The following RASSF5 variants were observed in gnomAD, a reference collection of about 807,000 sequenced individuals.
RASSF5 encodes the protein ras association domain-containing protein 5.
RASSF5 carries 25 observed loss-of-function variants against 40.5 expected under a neutral mutation model. The observed-to-expected ratio is 0.62, with a 90% CI of 0.45 to 0.86. RASSF5 has a LOEUF of 0.86. Among genes scored for constraint, RASSF5 ranks in the 40% least tolerant of loss-of-function variants. RASSF5 has a pLI of 0.00. For missense variants in RASSF5, 521 were observed against 572.8 expected (o/e 0.91, Z 0.92); for synonymous variants, 246 against 252.4 (o/e 0.97, Z 0.24).
chr1:206,565,454 G>T (rs1337579392), intron 2 of RASSF5, among the ~76,000 whole-genome samples: 1 of 152,218 alleles, frequency 6.6e-6, no homozygotes, highest in Non-Finnish European at 1.5e-5. Context: ...AAACTCTGCA[G>T]CACCTGGCCT....
intron 1 of RASSF5, among the ~76,000 whole-genome samples, chr1:206,516,165 T>C (rs2103503013): frequency 6.6e-6 from 1 of 152,318 alleles, no homozygotes; most frequent in South Asian, 2.1e-4. Flanking sequence ...GAGTCATTGC[T>C]TAGATGTCAG....
intron 1 of RASSF5, among the ~76,000 whole-genome samples, chr1:206,519,162 T>A (rs1338440131): frequency 6.6e-6 from 1 of 152,166 alleles, no homozygotes; most frequent in Non-Finnish European, 1.5e-5. Context: ...CTGGACGGCA[T>A]AGCGGTGAGT....
intron 1 of RASSF5, among the ~76,000 whole-genome samples, chr1:206,509,647 C>T (rs1284548087): frequency 1.3e-5 from 2 of 151,998 alleles, no homozygotes; most frequent in Non-Finnish European, 2.9e-5. Flanking sequence ...AAATCTGCTT[C>T]GTTGGCATTC....
rs140340273 is a variant in RASSF5 at position 206,524,964 on chromosome 1, A to T, written c.458-13208A>T. ...AAAGTTGTGGAAACAGGCCATGTGG[A>T]GAAGGTGCCAGGGGTCAGGCCTGTC... On this transcript the variant is annotated intron_variant, in intron 1 of 5. Coordinates refer to ENST00000579436, the MANE Select transcript of RASSF5 (RefSeq NM_182663.4). Among the ~76,000 whole-genome samples, 1,361 of 151,940 alleles carry T rather than the reference A, an allele frequency of 9.0e-3. 9 individuals carry two copies. Among genetic ancestry groups the T allele is most frequent in the Non-Finnish European group, 0.013 (904 of 67,966 alleles).
chr1:206,576,026 C>T (rs1553405135), intron 2 of RASSF5, among the ~76,000 whole-genome samples: 1 of 152,212 alleles, frequency 6.6e-6, no homozygotes, highest in Non-Finnish European at 1.5e-5. Flanking sequence ...TATCTGACAC[C>T]TACTTAAAGT....
chr1:206,510,287 G>A (rs1553394459), intron 1 of RASSF5, among the ~76,000 whole-genome samples: 1 of 152,088 alleles, frequency 6.6e-6, no homozygotes. Context: ...GTAGTTAAGA[G>A]TACAGACTGG....
At chr1:206,566,310 G>A (rs564107172) in intron 2 of RASSF5, among the ~76,000 whole-genome samples, 28 of 152,274 alleles carry the variant, frequency 1.8e-4, no homozygotes, top group African/African-American at 5.3e-4. Flanking sequence ...ATGTCCTGCC[G>A]TAGGAAGCTG....
At chr1:206,537,979 G>A (rs782643989) in intron 1 of RASSF5, among the ~76,000 whole-genome samples, 193 bp from the exon 2 acceptor site, 10 of 152,206 alleles carry the variant, frequency 6.6e-5, no homozygotes, top group Admixed American at 1.3e-4. Flanking sequence ...AACGCGTAGA[G>A]CACTTAACTT....
chr1:206,578,337 G>A (rs1553405591), intron 2 of RASSF5, among the ~76,000 whole-genome samples: 1 of 151,466 alleles, frequency 6.6e-6, no homozygotes. Flanking sequence ...CCTTCCTGTG[G>A]CTCACTTTCC....
intron 1 of RASSF5, among the ~76,000 whole-genome samples, chr1:206,512,571 C>T (rs1230823674): frequency 6.6e-6 from 1 of 152,198 alleles, no homozygotes; most frequent in Non-Finnish European, 1.5e-5. Context: ...CCCCGCAGCA[C>T]TGAGGGTTTG....
chr1:206,534,561 A>G (rs1331672499), intron 1 of RASSF5, among the ~76,000 whole-genome samples: 1 of 152,000 alleles, frequency 6.6e-6, no homozygotes, highest in Non-Finnish European at 1.5e-5. Context: ...CTGGAGTCTC[A>G]TCTCCTCTGG....
Position 206,513,179 on chromosome 1 carries a change from C to T in RASSF5, c.457+5120C>T, listed in dbSNP as rs1349380314. Reference sequence around the variant, plus strand: ...CATGGGTGGGTCCCAGCTCCTGCACCCCAGTGTTCTCCCACAGGGTTCTCT... The same window carrying T: ...CATGGGTGGGTCCCAGCTCCTGCACTCCAGTGTTCTCCCACAGGGTTCTCT... On this transcript the variant is annotated intron_variant, in intron 1 of 5. Coordinates refer to ENST00000579436, the MANE Select transcript of RASSF5 (RefSeq NM_182663.4). This position sits in a 1 kb window ranked among gnomAD's most constrained non-coding sequence, Gnocchi z 5.0. Among the ~76,000 whole-genome samples, 1 of 152,156 alleles carries T rather than the reference C, an allele frequency of 6.6e-6. No homozygotes were observed. Among genetic ancestry groups the T allele is most frequent in the Non-Finnish European group, 1.5e-5 (1 of 68,022 alleles).
chr1:206,561,828 G>A (rs1668154921), intron 2 of RASSF5, among the ~76,000 whole-genome samples: 2 of 133,602 alleles, frequency 1.5e-5, no homozygotes, highest in South Asian at 5.0e-4. Context: ...ACCACACCCA[G>A]CTAAGTTTTG....
intron 1 of RASSF5, among the ~76,000 whole-genome samples, chr1:206,523,257 T>C (rs1455979818): frequency 2.0e-5 from 3 of 148,800 alleles, no homozygotes; most frequent in African/African-American, 5.0e-5. Context: ...TGAGCAGAGA[T>C]TGTGCCACTG....
intron 1 of RASSF5, among the ~76,000 whole-genome samples, chr1:206,524,925 C>T (rs1667059629): frequency 6.6e-6 from 1 of 151,710 alleles, no homozygotes; most frequent in Non-Finnish European, 1.5e-5. Flanking sequence ...CGGGCTACAG[C>T]ACCCCCAAAG....
At chr1:206,568,933 G>A (rs558230049) in intron 2 of RASSF5, among the ~76,000 whole-genome samples, 3 of 152,354 alleles carry the variant, frequency 2.0e-5, no homozygotes, top group Non-Finnish European at 4.4e-5. Context: ...CCAAGAGTGT[G>A]CCGTGACTCT....
At position 206,587,251 on chromosome 1, in the gene RASSF5, T is replaced by G; in HGVS notation, c.*273T>G. 2.4e-6 allele frequency: 1 copy of G among 411,886 alleles called. No individual in the cohort carries two copies. The highest frequency in any genetic ancestry group is 4.5e-6 in the Non-Finnish European group (1 of 219,844). 25.5% of individuals were successfully genotyped at this position (411,886 alleles called of 1,614,324 possible). A position where few individuals can be genotyped will look rare whatever the true frequency, so the allele number is the denominator to read the frequency against. ...ACGTCCTCTCTCGATCTGCAAGCCT[T>G]TCACCAACCAAATAGTTGCCTCTCT... On this transcript the variant is annotated 3_prime_UTR_variant, in exon 6 of 6. Transcript: ENST00000579436.
chr1:206,529,809 C>T (rs782628440), intron 1 of RASSF5: 22 of 394,856 alleles, frequency 5.6e-5, no homozygotes, highest in Non-Finnish European at 9.5e-5. Context: ...CCTGTAATCC[C>T]AGCTACTCAG....
At chr1:206,518,390 G>A (rs1553395676) in intron 1 of RASSF5, 2 of 397,450 alleles carry the variant, frequency 5.0e-6, no homozygotes, top group East Asian at 7.1e-5. Flanking sequence ...GCGCTGAGAT[G>A]ACCGAGGGCC....
Sources: gnomAD v4.1 joint callset for allele counts (sites outside exome capture counted in the v4.1 genomes callset) on GRCh38, gnomAD v4.1.1 for gene constraint, Gnocchi (gnomAD v3.1) non-coding constraint, MANE v1.5 for transcripts, NCBI Gene and HGNC (gene_info 2026-07-23, HGNC 2026-07-21) for gene names.